ANKRD30A: variants seen among roughly 807,000 people sequenced by gnomAD.
ANKRD30A encodes ankyrin repeat domain 30A.
A neutral mutation model predicts 166.3 loss-of-function variants in ANKRD30A; 170 were observed. The observed-to-expected ratio is 1.02, with a 90% CI of 0.90 to 1.16. ANKRD30A has a LOEUF of 1.16. ANKRD30A is among the 50% of genes most tolerant of loss of function. The pLI is 0.00. For missense variants in ANKRD30A, 1,630 were observed against 1,518.0 expected (o/e 1.07, Z -1.23); for synonymous variants, 564 against 508.9 (o/e 1.11, Z -1.46).
In ANKRD30A at chr10:37,149,079, A is replaced by G. The variant is rs571333014; in HGVS notation, c.1544-572A>G. On this transcript the variant is annotated intron_variant, in intron 9 of 35. Coordinates refer to ENST00000361713, the MANE Select transcript of ANKRD30A (RefSeq NM_052997.3). ...TACATCATCTTGCATGAGTGGATCA[A>G]GAAGCATTCAGATGTATAAACTGGA... Among the ~76,000 whole-genome samples, 9 of 152,154 alleles carry G rather than the reference A, an allele frequency of 5.9e-5. 1 individual carries two copies. In the East Asian group the frequency reaches 1.7e-3, roughly 29 times the overall value.
At chr10:37,189,851 A>G (rs914445834) in intron 25 of ANKRD30A, among the ~76,000 whole-genome samples, 61 of 151,534 alleles carry the variant, frequency 4.0e-4, no homozygotes, top group African/African-American at 1.4e-3. Context: ...ACTGAGAAAG[A>G]CAGAGCGTAC....
chr10:37,254,711 T>G, the ANKRD30A span, among the ~76,000 whole-genome samples: 1 of 144,100 alleles, frequency 6.9e-6, no homozygotes, highest in Admixed American at 7.1e-5. Context: ...TGAGATGGAG[T>G]CTCACTCTGT....
At chr10:37,265,450 T>C in the ANKRD30A span, among the ~76,000 whole-genome samples, 2 of 152,180 alleles carry the variant, frequency 1.3e-5, no homozygotes, top group Non-Finnish European at 1.5e-5. Flanking sequence ...CACTGGCTCT[T>C]CTTCTCTGGG....
chr10:37,203,261 G>A (rs1841772050), intron 31 of ANKRD30A, among the ~76,000 whole-genome samples: 1 of 152,178 alleles, frequency 6.6e-6, no homozygotes, highest in African/African-American at 2.4e-5. Context: ...ACCGAATCCA[G>A]CAGCACATCA....
chr10:37,240,476 C>G, the ANKRD30A span, among the ~76,000 whole-genome samples: 136 of 152,244 alleles, frequency 8.9e-4, no homozygotes, highest in Non-Finnish European at 1.6e-3. Flanking sequence ...CATTGGTTGA[C>G]TTTTGTCTTC....
chr10:37,153,904 G>A (rs2132566441), intron 13 of ANKRD30A, among the ~76,000 whole-genome samples: 1 of 152,280 alleles, frequency 6.6e-6, no homozygotes. Context: ...TGAGGAAAAT[G>A]AGAAAATAAG....
intron 31 of ANKRD30A, 39 bp downstream of exon 31, chr10:37,201,364 G>T: frequency 1.4e-6 from 2 of 1,438,732 alleles, no homozygotes; most frequent in Non-Finnish European, 1.9e-6. Context: ...ATTTGACCAA[G>T]TATTTCTCTA....
chr10:37,149,867 A>C lies in ANKRD30A; in HGVS notation c.1645+18A>C. On this transcript the variant is annotated intron_variant, in intron 11 of 35. Coordinates refer to ENST00000361713, the MANE Select transcript of ANKRD30A (RefSeq NM_052997.3). ...GAGAGCAGGTAAATTTTTCAATTTA[A>C]CTATGCAAAGACGAATATTTCAATA... The C allele has an allele frequency of 6.2e-7, 1 of 1,612,072 alleles. No homozygotes were observed. Among genetic ancestry groups the C allele is most frequent in the Admixed American group, 1.7e-5 (1 of 59,900 alleles).
intron 1 of ANKRD30A, 22 bp from the exon 2 acceptor site, chr10:37,129,871 A>G (rs1352824757): frequency 1.4e-6 from 2 of 1,437,048 alleles, no homozygotes; most frequent in Non-Finnish European, 1.8e-6. Flanking sequence ...AACTTTGCCA[A>G]AAAGTCCTCT....
rs1835970576 is a variant in ANKRD30A, at chr10:37,125,877, C to T, written c.90C>T (p.Asp30=). 6.6e-6 allele frequency: 10 copies of T among 1,520,166 alleles called. No homozygotes were observed. The highest frequency in any genetic ancestry group is 9.1e-6 in the Non-Finnish European group (10 of 1,099,634). 94.2% of individuals were successfully genotyped at this position (1,520,166 alleles called of 1,614,324 possible). A position where few individuals can be genotyped will look rare whatever the true frequency, so the allele number is the denominator to read the frequency against. ...PFSQLVYTSN[D]SYIVHSGDLR... ...GCCAGCTAGTCTATACCAGCAACGA[C>T]TCCTACATCGTCCACTCTGGGGATC... is the stretch of plus-strand genomic sequence containing the variant. Residue 30 remains aspartate (D), a synonymous_variant, in exon 1 of 36, where the codon GAC becomes GAT. Coordinates refer to ENST00000361713, the MANE Select transcript of ANKRD30A (RefSeq NM_052997.3).
At chr10:37,196,093 A>AT (rs749036981) in intron 27 of ANKRD30A, among the ~76,000 whole-genome samples, 9,088 of 129,424 alleles carry the variant, frequency 0.07, 524 homozygotes, top group African/African-American at 0.14. Context: ...TATATTTTCT[A>AT]TTTTTTTTTT....
intron 31 of ANKRD30A, among the ~76,000 whole-genome samples, chr10:37,210,236 G>C (rs967878269): frequency 3.3e-5 from 5 of 152,094 alleles, no homozygotes; most frequent in Non-Finnish European, 7.3e-5. Flanking sequence ...TCTTGTGCTA[G>C]TTTGCTGAGA....
At chr10:37,262,979 A>T in the ANKRD30A span, among the ~76,000 whole-genome samples, 1 of 151,356 alleles carries the variant, frequency 6.6e-6, no homozygotes, top group Non-Finnish European at 1.5e-5. Context: ...CTTTGTTATT[A>T]AAAAAAATTA....
chr10:37,151,291 C>T (rs1253284630), intron 11 of ANKRD30A, among the ~76,000 whole-genome samples: 2 of 152,060 alleles, frequency 1.3e-5, no homozygotes, highest in Non-Finnish European at 2.9e-5. Flanking sequence ...CCTGAGAACT[C>T]GTCAAGTCTT....
chr10:37,153,841 G>C (rs188988846), intron 13 of ANKRD30A, among the ~76,000 whole-genome samples, 179 bp downstream of exon 13: 153 of 152,284 alleles, frequency 1.0e-3, no homozygotes, highest in Non-Finnish European at 2.0e-3. Context: ...ACTATATTGA[G>C]AGTGCTGAAA....
At chr10:37,247,527 C>A in the ANKRD30A span, among the ~76,000 whole-genome samples, 1 of 151,716 alleles carries the variant, frequency 6.6e-6, no homozygotes, top group African/African-American at 2.4e-5. Flanking sequence ...AGAGGAACAA[C>A]GTACACTGGG....
chr10:37,224,996 C>T (rs1212489194), intron 34 of ANKRD30A, among the ~76,000 whole-genome samples: 1 of 151,328 alleles, frequency 6.6e-6, no homozygotes, highest in Non-Finnish European at 1.5e-5. Flanking sequence ...ATGCTTTTCC[C>T]CTTTGATGCT....
At chr10:37,196,982 G>A (rs908835800) in intron 27 of ANKRD30A, among the ~76,000 whole-genome samples, 13 of 152,232 alleles carry the variant, frequency 8.5e-5, no homozygotes, top group South Asian at 4.2e-4. Flanking sequence ...AGTACGTGGC[G>A]TAGCATTCCA....
At chr10:37,225,964 C>A (rs1427921853) in intron 34 of ANKRD30A, among the ~76,000 whole-genome samples, 2 of 151,610 alleles carry the variant, frequency 1.3e-5, no homozygotes, top group Non-Finnish European at 2.9e-5. Flanking sequence ...GTTTCCCATT[C>A]CTTGCTCAGT....
Sources: gnomAD v4.1 joint callset for allele counts (sites outside exome capture counted in the v4.1 genomes callset) on GRCh38, gnomAD v4.1.1 for gene constraint, MANE v1.5 for transcripts, NCBI Gene and HGNC (gene_info 2026-07-23, HGNC 2026-07-21) for gene names.